PTPRN2: variants seen among roughly 807,000 people sequenced by gnomAD.
The protein encoded by PTPRN2 is protein tyrosine phosphatase receptor type N2.
Under a neutral mutation model 118.8 loss-of-function variants are expected in PTPRN2, and 74 were observed. The ratio of observed to expected loss-of-function variants is 0.62; its 90% CI spans 0.52 to 0.76. The LOEUF (loss-of-function observed/expected upper bound fraction) is 0.76, where lower values mean the gene tolerates loss of function less well. Ranked by LOEUF, PTPRN2 falls within the 30% of genes least tolerant of loss-of-function variation. The pLI is 0.00. For synonymous variants in PTPRN2, 641 were observed against 608.0 expected (o/e 1.05, Z -0.80); for missense variants, 1,481 against 1,394.4 (o/e 1.06, Z -0.99).
At chr7:158,556,234 T>C (rs1175396032) in intron 1 of PTPRN2, among the ~76,000 whole-genome samples, 1 of 152,002 alleles carries the variant, frequency 6.6e-6, no homozygotes, top group Non-Finnish European at 1.5e-5. Context: ...ATTAGATAGA[T>C]AGATAGAGAT....
intron 3 of PTPRN2, among the ~76,000 whole-genome samples, chr7:158,311,210 C>G (rs1801700907): frequency 6.6e-6 from 1 of 152,214 alleles, no homozygotes; most frequent in Non-Finnish European, 1.5e-5. Flanking sequence ...ACCCGTGCGG[C>G]CAGCCTTGGA....
chr7:158,054,135 G>A (rs1052549898), intron 11 of PTPRN2, among the ~76,000 whole-genome samples: 2 of 151,686 alleles, frequency 1.3e-5, no homozygotes, highest in Admixed American at 1.3e-4. Flanking sequence ...ACCCTAGAGA[G>A]CATGGGGGCC....
chr7:158,083,792 G>A (rs751212319), intron 10 of PTPRN2, among the ~76,000 whole-genome samples: 12 of 152,216 alleles, frequency 7.9e-5, no homozygotes, highest in Non-Finnish European at 1.6e-4. Flanking sequence ...GGTGCCTGCG[G>A]TCACGGTGCA....
intron 12 of PTPRN2, among the ~76,000 whole-genome samples, chr7:157,689,696 A>G (rs770678268): frequency 6.6e-6 from 1 of 152,142 alleles, no homozygotes; most frequent in Non-Finnish European, 1.5e-5. Flanking sequence ...TCCAGTCACA[A>G]GTTTCTCTCT....
At chr7:157,753,508 C>T (rs1180702862) in intron 12 of PTPRN2, among the ~76,000 whole-genome samples, 1 of 152,188 alleles carries the variant, frequency 6.6e-6, no homozygotes, top group Non-Finnish European at 1.5e-5. Context: ...GGGCCTCACT[C>T]CAGCCCTAGT....
intron 3 of PTPRN2, among the ~76,000 whole-genome samples, chr7:158,277,917 C>T (rs1206282531): frequency 1.3e-5 from 2 of 152,162 alleles, no homozygotes; most frequent in African/African-American, 2.4e-5. Context: ...AGGCTCTCAG[C>T]CGGGCAGGAC....
intron 11 of PTPRN2, among the ~76,000 whole-genome samples, chr7:158,052,843 C>G (rs1310926454): frequency 1.3e-5 from 2 of 152,216 alleles, no homozygotes; most frequent in Non-Finnish European, 2.9e-5. Flanking sequence ...CGGGGTCCAC[C>G]ACGTTCCCTC....
At chr7:158,292,892 AC>A (rs1800214476) in intron 3 of PTPRN2, among the ~76,000 whole-genome samples, 1 of 151,940 alleles carries the variant, frequency 6.6e-6, no homozygotes, top group African/African-American at 2.4e-5. Context: ...ACATGGTGAA[AC>A]CCTGTCTCTA....
intron 1 of PTPRN2, among the ~76,000 whole-genome samples, chr7:158,569,756 CCTGA>C (rs35943741): frequency 4.3e-5 from 5 of 116,014 alleles, no homozygotes; most frequent in South Asian, 2.9e-4. Flanking sequence ...CGCGAGGCCG[CCTGA>C]CTGACAGGAA....
chr7:157,637,664 G>A lies in PTPRN2; in HGVS notation c.2197-16155C>T, dbSNP rs551671931. 2.0e-4 allele frequency among the ~76,000 whole-genome samples: 30 copies of A among 152,262 alleles called. No individual in the cohort carries two copies. The East Asian group carries it at 4.8e-3, about 24-fold the overall frequency. On this transcript the variant is annotated intron_variant, in intron 14 of 22. Transcript: ENST00000389418. Reference sequence around the variant, plus strand: ...AGACCAGACTCCTTTGCTGGCACCCGACCCAGGAGAAGCAGCCCAGAGGGG... The same window carrying A: ...AGACCAGACTCCTTTGCTGGCACCCAACCCAGGAGAAGCAGCCCAGAGGGG...
chr7:157,656,227 G>T, intron 14 of PTPRN2, 130 bp downstream of exon 14: 1 of 907,002 alleles, frequency 1.1e-6, no homozygotes. Context: ...GTCAGCCTCT[G>T]CAGCGGGCAG....
chr7:158,074,854 G>A (rs1812223419), intron 11 of PTPRN2, among the ~76,000 whole-genome samples: 1 of 152,222 alleles, frequency 6.6e-6, no homozygotes, highest in African/African-American at 2.4e-5. Context: ...GCTCCCATGA[G>A]TGGTATGTCC....
chr7:158,457,541 C>T (rs187692634), intron 2 of PTPRN2, among the ~76,000 whole-genome samples: 5 of 142,660 alleles, frequency 3.5e-5, no homozygotes, highest in Admixed American at 3.5e-4. Context: ...GGGGGAGTCA[C>T]AGTAAAGCCA....
chr7:157,812,725 T>A (rs2151120483), intron 12 of PTPRN2, among the ~76,000 whole-genome samples: 1 of 152,170 alleles, frequency 6.6e-6, no homozygotes, highest in South Asian at 2.1e-4. Flanking sequence ...TAACTTCCAT[T>A]TAACGTATAG....
At chr7:158,463,356 A>C (rs1375177621) in intron 2 of PTPRN2, among the ~76,000 whole-genome samples, 1 of 151,690 alleles carries the variant, frequency 6.6e-6, no homozygotes. Flanking sequence ...TACTATCATC[A>C]CCATCACCAT....
At chr7:157,612,625 G>A (rs540813187) in intron 15 of PTPRN2, among the ~76,000 whole-genome samples, 1 of 152,346 alleles carries the variant, frequency 6.6e-6, no homozygotes, top group African/African-American at 2.4e-5. Flanking sequence ...AGCCGCAGAA[G>A]GCAGTGACCT....
At chr7:158,336,994 C>G (rs1368078619) in intron 2 of PTPRN2, among the ~76,000 whole-genome samples, 2 of 70,840 alleles carry the variant, frequency 2.8e-5, no homozygotes, top group African/African-American at 4.2e-5. Flanking sequence ...GCAGACGTCA[C>G]TCACACCCAC....
chr7:158,135,199 C>T (rs1335161699), intron 8 of PTPRN2, among the ~76,000 whole-genome samples: 2 of 152,214 alleles, frequency 1.3e-5, no homozygotes, highest in East Asian at 3.8e-4. Flanking sequence ...TTACAACTCA[C>T]TTTGCCAAAA....
In PTPRN2 at chr7:157,585,690, G is replaced by T. The variant is rs1363262823; in HGVS notation, c.2497-7550C>A. ...GGCGGCCTTTCCTTTTCAAGATCAG[G>T]ACCTGACATAAATGCATCAGATCCA... On this transcript the variant is annotated intron_variant, in intron 17 of 22. Transcript: ENST00000389418. This position sits in a 1 kb window ranked among gnomAD's most constrained non-coding sequence, Gnocchi z 5.2. 6.6e-6 allele frequency among the ~76,000 whole-genome samples: 1 copy of T among 152,178 alleles called. No homozygotes were observed. Among genetic ancestry groups the T allele is most frequent in the African/African-American group, 2.4e-5 (1 of 41,454 alleles).
Sources: gnomAD v4.1 joint callset for allele counts (sites outside exome capture counted in the v4.1 genomes callset) on GRCh38, gnomAD v4.1.1 for gene constraint, Gnocchi (gnomAD v3.1) non-coding constraint, MANE v1.5 for transcripts, NCBI Gene and HGNC (gene_info 2026-07-23, HGNC 2026-07-21) for gene names.